OR3A2: variants seen among roughly 807,000 people sequenced by gnomAD.
The protein encoded by OR3A2 is olfactory receptor family 3 subfamily A member 2.
For synonymous variants in OR3A2, 126 were observed against 159.3 expected (o/e 0.79, Z 1.57); for missense variants, 318 against 392.8 (o/e 0.81, Z 1.61).
chr17:3,313,597 T>C (rs565592487), intron 3 of OR3A2, among the ~76,000 whole-genome samples: 2 of 152,374 alleles, frequency 1.3e-5, no homozygotes, highest in African/African-American at 4.8e-5. Context: ...CCATCATTCC[T>C]TCCTGGCTTC....
intron 2 of OR3A2, among the ~76,000 whole-genome samples, chr17:3,346,770 C>A (rs900268631): frequency 6.6e-6 from 1 of 152,050 alleles, no homozygotes; most frequent in Non-Finnish European, 1.5e-5. Context: ...TTAGATCCCA[C>A]AAATAAGTGA....
At chr17:3,372,630 C>T (rs1166753649) in intron 2 of OR3A2, among the ~76,000 whole-genome samples, 8 of 151,970 alleles carry the variant, frequency 5.3e-5, no homozygotes, top group African/African-American at 1.5e-4. Context: ...GAGACCAGCC[C>T]GGCCATCACA....
At chr17:3,355,373 C>A (rs2049457593) in intron 2 of OR3A2, among the ~76,000 whole-genome samples, 1 of 151,180 alleles carries the variant, frequency 6.6e-6, no homozygotes, top group African/African-American at 2.5e-5. Flanking sequence ...TCTGGAAGAT[C>A]TGTCCAGCAC....
chr17:3,327,696 C>G (rs1286673272), intron 3 of OR3A2, among the ~76,000 whole-genome samples: 1 of 124,770 alleles, frequency 8.0e-6, no homozygotes, highest in Non-Finnish European at 1.6e-5. Flanking sequence ...TTAGGTCTAA[C>G]GTTTAAGTCT....
intron 3 of OR3A2, among the ~76,000 whole-genome samples, chr17:3,298,992 C>T (rs1597325958): frequency 6.6e-6 from 1 of 152,308 alleles, no homozygotes; most frequent in Middle Eastern, 3.4e-3. Flanking sequence ...TGCCTTATGA[C>T]TTTGTGATGC....
chr17:3,378,007 G>A (rs1473508148), intron 2 of OR3A2, among the ~76,000 whole-genome samples: 1 of 152,178 alleles, frequency 6.6e-6, no homozygotes, highest in Non-Finnish European at 1.5e-5. Flanking sequence ...AGAAATGAAA[G>A]CACCATCTGA....
At chr17:3,319,272 T>A (rs1173931472) in intron 3 of OR3A2, among the ~76,000 whole-genome samples, 2 of 152,222 alleles carry the variant, frequency 1.3e-5, no homozygotes, top group African/African-American at 2.4e-5. Flanking sequence ...GATTTATTTG[T>A]AAAGGACTAG....
chr17:3,386,277 G>T (rs970684563), exon 1 of OR3A2: 9 of 398,480 alleles, frequency 2.3e-5, no homozygotes, highest in African/African-American at 1.0e-4. Flanking sequence ...ACCTCCTGGC[G>T]GCCATGTCCT....
upstream of OR3A2, among the ~76,000 whole-genome samples, chr17:3,285,529 T>G (rs564235445): frequency 2.0e-4 from 30 of 152,294 alleles, no homozygotes; most frequent in East Asian, 5.4e-3. Context: ...TGACTCAAAC[T>G]TGTAATCTTA....
intron 3 of OR3A2, among the ~76,000 whole-genome samples, chr17:3,306,683 A>AAAAAAAC (rs2049002858): frequency 2.1e-5 from 3 of 140,122 alleles, no homozygotes; most frequent in South Asian, 4.4e-4. Flanking sequence ...ACTCTTCAAA[A>AAAAAAAC]AAAAAAAAAA....
intron 3 of OR3A2, among the ~76,000 whole-genome samples, chr17:3,331,351 C>A (rs1597344451): frequency 6.6e-6 from 1 of 152,150 alleles, no homozygotes; most frequent in Non-Finnish European, 1.5e-5. Flanking sequence ...TTCAGGTACA[C>A]CAATCCGACG....
At chr17:3,360,518 A>C (rs368673425) in intron 2 of OR3A2, among the ~76,000 whole-genome samples, 3 of 151,574 alleles carry the variant, frequency 2.0e-5, no homozygotes, top group East Asian at 1.9e-4. Context: ...ATGGTATTGC[A>C]TAGGTTTTCT....
At chr17:3,372,841 A>AGGAGAAGGAGAG (rs2049643015) in intron 2 of OR3A2, among the ~76,000 whole-genome samples, 1 of 98,526 alleles carries the variant, frequency 1.0e-5, no homozygotes, top group Non-Finnish European at 2.0e-5. Flanking sequence ...AGGGAGGAGA[A>AGGAGAAGGAGAG]GGAGAAGGAG....
intron 3 of OR3A2, among the ~76,000 whole-genome samples, chr17:3,322,534 C>T (rs983247082): frequency 2.0e-5 from 3 of 152,160 alleles, no homozygotes; most frequent in African/African-American, 7.2e-5. Context: ...CCTTTACACA[C>T]TGCTTTGAAT....
chr17:3,374,862 C>A (rs2049666086), intron 2 of OR3A2, among the ~76,000 whole-genome samples: 1 of 152,058 alleles, frequency 6.6e-6, no homozygotes, highest in Admixed American at 6.6e-5. Context: ...TCACTCCCCT[C>A]CCACCCTTTC....
intron 1 of OR3A2, among the ~76,000 whole-genome samples, chr17:3,281,384 C>T (rs1439373217): frequency 4.6e-5 from 7 of 152,100 alleles, no homozygotes; most frequent in East Asian, 1.9e-4. Flanking sequence ...CAGGCATGCA[C>T]CACCACGCCC....
At chr17:3,298,547 C>T (rs1351851426) in intron 3 of OR3A2, among the ~76,000 whole-genome samples, 5 of 152,318 alleles carry the variant, frequency 3.3e-5, no homozygotes, top group Non-Finnish European at 7.3e-5. Context: ...GCATTGGCAA[C>T]GTGCCCTGGC....
intron 2 of OR3A2, among the ~76,000 whole-genome samples, chr17:3,378,829 C>G (rs1197823631): frequency 1.3e-5 from 2 of 152,184 alleles, no homozygotes; most frequent in African/African-American, 4.8e-5. Flanking sequence ...ATTTCAGTAC[C>G]TAGGGCACTT....
intron 3 of OR3A2, among the ~76,000 whole-genome samples, chr17:3,327,829 C>T (rs2049190412): frequency 7.1e-6 from 1 of 140,176 alleles, no homozygotes; most frequent in African/African-American, 2.9e-5. Context: ...TTCCCCATTG[C>T]TTGGTTTTCT....
Sources: allele counts gnomAD v4.1 joint callset (sites outside exome capture counted in the v4.1 genomes callset), GRCh38; gene constraint gnomAD v4.1.1; transcripts MANE v1.5; gene names NCBI Gene and HGNC (gene_info 2026-07-23, HGNC 2026-07-21).